Variants in ARHGEF38 observed in about 807,000 individuals in gnomAD.
ARHGEF38 encodes Rho guanine nucleotide exchange factor (GEF) 38.
In ARHGEF38, 79 loss-of-function variants were observed where a neutral mutation model predicts 79.9. That is an observed-to-expected ratio of 0.99 (90% CI 0.82 to 1.19). ARHGEF38 has a LOEUF of 1.19. Ranked by LOEUF, ARHGEF38 falls within the 50% of genes most tolerant of loss-of-function variation. The pLI is 0.00. For synonymous variants in ARHGEF38, 366 were observed against 328.3 expected, an observed-to-expected ratio of 1.11 and a Z score of -1.24; for missense variants, 962 against 907.2, an observed-to-expected ratio of 1.06 and a Z score of -0.78.
At chr4:105,617,377 T>C (rs748357796) in intron 3 of ARHGEF38, among the ~76,000 whole-genome samples, 1 of 152,212 alleles carries the variant, frequency 6.6e-6, no homozygotes, top group Non-Finnish European at 1.5e-5. Context: ...TGGAATTTAT[T>C]AATTGAAGTA....
chr4:105,667,902 A>G lies in ARHGEF38; in HGVS notation c.2148+199A>G, dbSNP rs180822032. On this transcript the variant is annotated intron_variant, in intron 13 of 13. Transcript: ENST00000420470. The stretch of plus-strand genomic sequence containing the variant: ...TTCCTTAAATGAAGCAAAGAATTAG[A>G]GATAAAGTGTGTATGTAAAGTAGCC... Among the ~76,000 whole-genome samples the G allele has an allele frequency of 3.7e-3, 559 of 152,328 alleles. 2 individuals are homozygous for G. The highest frequency in any genetic ancestry group is 5.6e-3 in the Non-Finnish European group (379 of 68,028).
intron 9 of ARHGEF38, among the ~76,000 whole-genome samples, chr4:105,658,209 A>T (rs1016265482): frequency 2.6e-5 from 4 of 152,260 alleles, no homozygotes; most frequent in South Asian, 4.1e-4. Context: ...AGTGCTCAAG[A>T]CCATCTTGGG....
At chr4:105,619,322 C>T (rs1728641886) in intron 3 of ARHGEF38, among the ~76,000 whole-genome samples, 1 of 151,730 alleles carries the variant, frequency 6.6e-6, no homozygotes, top group African/African-American at 2.4e-5. Flanking sequence ...CAGCCAAGGC[C>T]TCAGGCTTGA....
At chr4:105,631,227 C>T in intron 4 of ARHGEF38, 182 bp downstream of exon 4, 1 of 1,248,632 alleles carries the variant, frequency 8.0e-7, no homozygotes, top group Non-Finnish European at 1.0e-6. Context: ...ACTTTTTTTC[C>T]CCCTGCGAGA....
At chr4:105,628,022 G>T (rs1729022519) in intron 3 of ARHGEF38, among the ~76,000 whole-genome samples, 1 of 135,230 alleles carries the variant, frequency 7.4e-6, no homozygotes, top group Non-Finnish European at 1.5e-5. Context: ...ATTTTACTTG[G>T]AAAAGAGTAA....
intron 2 of ARHGEF38, among the ~76,000 whole-genome samples, chr4:105,597,922 A>G (rs1322369950): frequency 6.6e-6 from 1 of 152,072 alleles, no homozygotes; most frequent in Non-Finnish European, 1.5e-5. Flanking sequence ...TCTTTAAATT[A>G]TCCTTTTAAA....
chr4:105,609,198 C>T (rs1728181869), intron 2 of ARHGEF38, among the ~76,000 whole-genome samples: 1 of 152,028 alleles, frequency 6.6e-6, no homozygotes. Flanking sequence ...GGTCTAGTTT[C>T]ATTTTTCTGC....
intron 3 of ARHGEF38, among the ~76,000 whole-genome samples, chr4:105,613,819 GAATT>G (rs1410903106): frequency 6.6e-6 from 1 of 151,840 alleles, no homozygotes; most frequent in Admixed American, 6.6e-5. Flanking sequence ...GATCCTTAAA[GAATT>G]AATTATTTAA....
intron 9 of ARHGEF38, among the ~76,000 whole-genome samples, chr4:105,658,198 A>C (rs1730414465): frequency 1.3e-5 from 2 of 152,142 alleles, no homozygotes; most frequent in South Asian, 4.1e-4. Context: ...GCTTGAGCCT[A>C]AGTGCTCAAG....
chr4:105,646,744 T>C (rs898254499), intron 6 of ARHGEF38, among the ~76,000 whole-genome samples: 5 of 151,824 alleles, frequency 3.3e-5, no homozygotes, highest in African/African-American at 1.2e-4. Flanking sequence ...CTGCATATTA[T>C]ACACTACAAT....
intron 1 of ARHGEF38, among the ~76,000 whole-genome samples, chr4:105,581,036 AAG>A (rs1726764153): frequency 9.2e-5 from 14 of 152,104 alleles, no homozygotes; most frequent in Non-Finnish European, 1.6e-4. Flanking sequence ...TAGAGACTGT[AAG>A]GAAGAAGCAT....
rs755593620 is a variant in ARHGEF38, at chr4:105,677,756, T to A, written c.2153T>A (p.Phe718Tyr). 14 of 1,452,162 alleles carry A rather than the reference T, an allele frequency of 9.6e-6. No homozygotes were observed. In the South Asian group the frequency reaches 2.0e-4, roughly 21 times the overall value. 90.0% of individuals were successfully genotyped at this position (1,452,162 alleles called of 1,614,324 possible). A position where few individuals can be genotyped will look rare whatever the true frequency, so the allele number is the denominator to read the frequency against. The stretch of plus-strand genomic sequence containing the variant: ...GTCTTTTGTTTCTTTGTCTAGATTT[T>A]CTATGCAGTTCATGCTTTTCAAGCA... ...DSFQEVDEQI[F>Y]YAVHAFQARS... Residue 718 changes from phenylalanine (F) to tyrosine (Y), a missense_variant, in exon 14 of 14, where the codon TTC (phenylalanine) becomes TAC (tyrosine). Transcript: ENST00000420470.
intron 7 of ARHGEF38, among the ~76,000 whole-genome samples, chr4:105,651,213 A>AT (rs1339211343): frequency 3.3e-5 from 5 of 152,178 alleles, no homozygotes; most frequent in African/African-American, 7.2e-5. Flanking sequence ...TATTAATTAG[A>AT]TTTTTCCCCT....
chr4:105,591,884 T>C (rs1727356763), intron 2 of ARHGEF38, among the ~76,000 whole-genome samples: 1 of 152,238 alleles, frequency 6.6e-6, no homozygotes. Flanking sequence ...ATTTGCTCTT[T>C]AGTGTCATTG....
intron 2 of ARHGEF38, among the ~76,000 whole-genome samples, chr4:105,612,317 G>A (rs1728328556): frequency 6.6e-6 from 1 of 151,954 alleles, no homozygotes; most frequent in African/African-American, 2.4e-5. Flanking sequence ...TAATTTCTCG[G>A]CACATTTTCT....
intron 13 of ARHGEF38, among the ~76,000 whole-genome samples, chr4:105,675,405 A>T (rs949233514): frequency 6.6e-6 from 1 of 152,200 alleles, no homozygotes; most frequent in Non-Finnish European, 1.5e-5. Flanking sequence ...TTGCTAAAGA[A>T]TTTATAGTAC....
chr4:105,601,199 T>C (rs1285847026), intron 2 of ARHGEF38, among the ~76,000 whole-genome samples: 2 of 152,186 alleles, frequency 1.3e-5, no homozygotes, highest in African/African-American at 4.8e-5. Context: ...GTCATCTATT[T>C]TTACCTTCTG....
At chr4:105,665,739 C>G (rs1423801695) in intron 10 of ARHGEF38, among the ~76,000 whole-genome samples, 1 of 152,116 alleles carries the variant, frequency 6.6e-6, no homozygotes, top group African/African-American at 2.4e-5. Context: ...CCAGACTTAC[C>G]CAGTTTTTGA....
chr4:105,583,847 G>A (rs935578767), intron 1 of ARHGEF38, among the ~76,000 whole-genome samples: 3 of 151,984 alleles, frequency 2.0e-5, no homozygotes, highest in Admixed American at 2.0e-4. Context: ...TCCTTGAATT[G>A]TTAAGGGATG....
Sources: allele counts gnomAD v4.1 joint callset (sites outside exome capture counted in the v4.1 genomes callset), GRCh38; gene constraint gnomAD v4.1.1; transcripts MANE v1.5; gene names NCBI Gene and HGNC (gene_info 2026-07-23, HGNC 2026-07-21).